FAM53B: variants seen among roughly 807,000 people sequenced by gnomAD.
FAM53B encodes protein FAM53B.
Under a neutral mutation model 32.7 loss-of-function variants are expected in FAM53B, and 12 were observed. That is an observed-to-expected ratio of 0.37 (90% CI 0.24 to 0.59). FAM53B has a LOEUF of 0.59. Ranked by LOEUF, FAM53B falls within the 20% of genes least tolerant of loss-of-function variation. The pLI, the probability that FAM53B is intolerant of heterozygous loss-of-function variation, is 0.72. For synonymous variants in FAM53B, 234 were observed against 228.7 expected, an observed-to-expected ratio of 1.02 and a Z score of -0.21; for missense variants, 477 against 577.7, an observed-to-expected ratio of 0.83 and a Z score of 1.79.
chr10:124,628,171 C>T (rs992507351), intron 4 of FAM53B, among the ~76,000 whole-genome samples: 2 of 152,190 alleles, frequency 1.3e-5, no homozygotes, highest in Non-Finnish European at 2.9e-5. Context: ...AGTAGTGACC[C>T]AGAACCCACT....
intron 4 of FAM53B, among the ~76,000 whole-genome samples, chr10:124,646,088 G>A (rs1252773866): frequency 3.9e-5 from 6 of 152,210 alleles, no homozygotes; most frequent in African/African-American, 1.4e-4. Flanking sequence ...CTCGACCACA[G>A]CAATGTTGCC....
At chr10:124,697,699 C>T (rs1949883105) in intron 2 of FAM53B, among the ~76,000 whole-genome samples, 1 of 152,020 alleles carries the variant, frequency 6.6e-6, no homozygotes, top group African/African-American at 2.4e-5. Flanking sequence ...GGGCAGCCTC[C>T]TGGGGGGGAT....
intron 4 of FAM53B, among the ~76,000 whole-genome samples, chr10:124,631,360 A>T: frequency 6.6e-6 from 1 of 152,186 alleles, no homozygotes; most frequent in Middle Eastern, 3.2e-3. Flanking sequence ...TCCCCAGCCC[A>T]GACACCTAAA....
At chr10:124,660,533 T>C (rs2134056214) in intron 4 of FAM53B, among the ~76,000 whole-genome samples, 1 of 152,350 alleles carries the variant, frequency 6.6e-6, no homozygotes, top group South Asian at 2.1e-4. Flanking sequence ...CCAGCATGCC[T>C]GCTTATCACC....
chr10:124,637,312 T>C (rs2362512), intron 4 of FAM53B, among the ~76,000 whole-genome samples: 144,181 of 152,254 alleles, frequency 0.95, 68,679 homozygotes, highest in Non-Finnish European at 1. Context: ...TGGCAGGACG[T>C]GGGTGCCTGG....
At chr10:124,700,073 C>T (rs1195154574) in intron 2 of FAM53B, among the ~76,000 whole-genome samples, 1 of 152,240 alleles carries the variant, frequency 6.6e-6, no homozygotes, top group Admixed American at 6.5e-5. Flanking sequence ...GAGCCCCATC[C>T]GTGAGGCTAA....
intron 4 of FAM53B, among the ~76,000 whole-genome samples, chr10:124,665,725 T>C (rs1270228602): frequency 1.3e-5 from 2 of 152,220 alleles, no homozygotes; most frequent in Admixed American, 6.5e-5. Flanking sequence ...TGATGACTTG[T>C]TGGTGCTGTG....
At chr10:124,693,466 CAAA>C (rs60351967) in intron 3 of FAM53B, among the ~76,000 whole-genome samples, 9 of 94,752 alleles carry the variant, frequency 9.5e-5, no homozygotes, top group Admixed American at 1.2e-4. Flanking sequence ...GACTCTGTCT[CAAA>C]AAAAAAAAAA....
At chr10:124,736,993 T>C (rs1489834734) in intron 1 of FAM53B, among the ~76,000 whole-genome samples, 3 of 152,188 alleles carry the variant, frequency 2.0e-5, no homozygotes, top group African/African-American at 7.2e-5. Context: ...TGAGGTCAGC[T>C]GGGCCAAGTT....
intron 4 of FAM53B, among the ~76,000 whole-genome samples, chr10:124,646,452 C>T (rs893274748): frequency 1.3e-5 from 2 of 152,204 alleles, no homozygotes; most frequent in African/African-American, 4.8e-5. Context: ...CCAGAACAAA[C>T]GGAACCGTTT....
intron 1 of FAM53B, chr10:124,713,581 C>T (rs188730897): frequency 6.6e-6 from 1 of 152,286 alleles, no homozygotes; most frequent in Admixed American, 6.5e-5. Flanking sequence ...TTAATACATA[C>T]AAGAAAGTGT....
At chr10:124,717,667 A>G (rs1950045504) in intron 1 of FAM53B, among the ~76,000 whole-genome samples, 1 of 152,148 alleles carries the variant, frequency 6.6e-6, no homozygotes, top group South Asian at 2.1e-4. Flanking sequence ...TTACATATCC[A>G]TGGGGTGAGG....
Position 124,623,377 on chromosome 10 carries a change from T to A in FAM53B, c.1134A>T (p.Ser378=), listed in dbSNP as rs1329462388. Residue 378 remains serine (S), a synonymous_variant, in exon 5 of 5, where the codon TCA becomes TCT. Coordinates refer to ENST00000337318, the MANE Select transcript of FAM53B (RefSeq NM_014661.4). ...ACQEDLSCEE[S]DSCALDEDCG... ...AATCCTCGTCCAGGGCGCAGCTGTC[T>A]GACTCCTCACAGGACAGGTCCTCCT... The A allele has an allele frequency of 6.2e-7, 1 of 1,612,434 alleles. No individual in the cohort carries two copies. Among genetic ancestry groups the A allele is most frequent in the African/African-American group, 1.3e-5 (1 of 74,942 alleles).
chr10:124,723,101 T>C (rs1180638289), intron 1 of FAM53B, among the ~76,000 whole-genome samples: 1 of 152,204 alleles, frequency 6.6e-6, no homozygotes, highest in Admixed American at 6.5e-5. Context: ...TCACGCCCTC[T>C]GCCTCTGTGC....
intron 1 of FAM53B, among the ~76,000 whole-genome samples, chr10:124,738,116 C>T (rs1341202200): frequency 6.6e-6 from 1 of 152,100 alleles, no homozygotes; most frequent in Admixed American, 6.5e-5. Flanking sequence ...GCAGCAGCAG[C>T]AGCAGCAAAT....
rs1397509460 is a variant in FAM53B at position 124,621,001 on chromosome 10, A to AGGT, written c.*2238_*2240dup. ...TTCCTGCCACCAGGCCTGAATGGGGAGGTGGCAGGCAAGGTTTGAGGGCAG... is the reference window on the plus strand; with the variant it reads ...TTCCTGCCACCAGGCCTGAATGGGGAGGTGGTGGCAGGCAAGGTTTGAGGGCAG... On this transcript the variant is annotated 3_prime_UTR_variant, in exon 5 of 5. Transcript: ENST00000337318. 6.6e-6 allele frequency: 1 copy of AGGT among 152,120 alleles called. No individual in the cohort carries two copies. Among genetic ancestry groups the AGGT allele is most frequent in the East Asian group, 1.9e-4 (1 of 5,150 alleles). 9.4% of individuals were successfully genotyped at this position (152,120 alleles called of 1,614,324 possible). A position where few individuals can be genotyped will look rare whatever the true frequency, so the allele number is the denominator to read the frequency against.
chr10:124,661,993 T>C (rs1275232346), intron 4 of FAM53B, among the ~76,000 whole-genome samples: 1 of 152,196 alleles, frequency 6.6e-6, no homozygotes, highest in Non-Finnish European at 1.5e-5. Context: ...GGGATCCTCA[T>C]GTGTCCACCA....
At chr10:124,675,590 C>T (rs1949731958) in intron 4 of FAM53B, among the ~76,000 whole-genome samples, 1 of 152,260 alleles carries the variant, frequency 6.6e-6, no homozygotes, top group Admixed American at 6.5e-5. Flanking sequence ...ATTTTACAGA[C>T]ACAGACATGA....
intron 1 of FAM53B, among the ~76,000 whole-genome samples, chr10:124,722,861 C>T (rs1304946100): frequency 2.6e-5 from 4 of 152,152 alleles, no homozygotes; most frequent in Non-Finnish European, 5.9e-5. Context: ...TGAGTTTGTA[C>T]ACATGCATGT....
Sources: gnomAD v4.1 joint callset for allele counts (sites outside exome capture counted in the v4.1 genomes callset) on GRCh38, gnomAD v4.1.1 for gene constraint, MANE v1.5 for transcripts, NCBI Gene and HGNC (gene_info 2026-07-23, HGNC 2026-07-21) for gene names.